WARS2: variants seen among roughly 807,000 people sequenced by gnomAD.
WARS2 encodes the protein tryptophan--tRNA ligase, mitochondrial.
In WARS2, 28 loss-of-function variants were observed where a neutral mutation model predicts 36.5. That is an observed-to-expected ratio of 0.77 (90% CI 0.57 to 1.05). The LOEUF is 1.05. WARS2 is among the 50% of genes least tolerant of loss of function. The pLI is 0.00. For missense variants in WARS2, 435 were observed against 456.8 expected (o/e 0.95, Z 0.44); for synonymous variants, 174 against 178.4 (o/e 0.98, Z 0.20).
intron 2 of WARS2, among the ~76,000 whole-genome samples, chr1:119,066,791 T>C (rs1322250899): frequency 6.6e-6 from 1 of 152,140 alleles, no homozygotes; most frequent in Non-Finnish European, 1.5e-5. Flanking sequence ...TTGGTGGTAA[T>C]GTAAGTTAGA....
chr1:119,056,186 ATTTT>A (rs751264352), intron 2 of WARS2, among the ~76,000 whole-genome samples: 1 of 116,172 alleles, frequency 8.6e-6, no homozygotes, highest in African/African-American at 3.3e-5. Flanking sequence ...TGCCTGGCTA[ATTTT>A]TTTTTTTTTT....
intron 1 of WARS2, among the ~76,000 whole-genome samples, chr1:119,137,740 C>G (rs1318074049): frequency 6.6e-6 from 1 of 152,094 alleles, no homozygotes; most frequent in African/African-American, 2.4e-5. Context: ...CAACACCTGG[C>G]AAAATAAACC....
intron 1 of WARS2, among the ~76,000 whole-genome samples, chr1:119,087,258 A>T (rs1289829315): frequency 6.6e-6 from 1 of 152,194 alleles, no homozygotes; most frequent in African/African-American, 2.4e-5. Flanking sequence ...ATACCCAGTA[A>T]ATAGCACAGT....
At chr1:119,064,952 A>G (rs545599735) in intron 2 of WARS2, among the ~76,000 whole-genome samples, 2 of 152,340 alleles carry the variant, frequency 1.3e-5, no homozygotes, top group East Asian at 3.9e-4. Context: ...TCAAGCACAA[A>G]TAGAACATTT....
intron 2 of WARS2, among the ~76,000 whole-genome samples, chr1:119,055,405 G>A (rs1649692239): frequency 6.6e-6 from 1 of 152,090 alleles, no homozygotes; most frequent in Admixed American, 6.5e-5. Context: ...CTGAGGTCAG[G>A]AGTTCAAGGC....
intron 3 of WARS2, among the ~76,000 whole-genome samples, chr1:119,044,562 A>G (rs1648635131): frequency 6.6e-6 from 1 of 152,238 alleles, no homozygotes; most frequent in Non-Finnish European, 1.5e-5. Flanking sequence ...CAAAATACCC[A>G]GCTAGGTGGC....
intron 2 of WARS2, among the ~76,000 whole-genome samples, chr1:119,060,880 G>A (rs944503821): frequency 4.6e-5 from 7 of 152,164 alleles, no homozygotes; most frequent in African/African-American, 1.7e-4. Context: ...TCTAAATAAA[G>A]AGTCAGAGTG....
intron 1 of WARS2, among the ~76,000 whole-genome samples, chr1:119,119,873 G>A (rs978659536): frequency 4.6e-5 from 7 of 151,960 alleles, no homozygotes; most frequent in Non-Finnish European, 8.8e-5. Context: ...AATGATAATA[G>A]CAGCACAACC....
intron 1 of WARS2, chr1:119,082,370 G>C: frequency 1.0e-6 from 1 of 985,338 alleles, no homozygotes; most frequent in Non-Finnish European, 1.2e-6. Context: ...GAATGCTTTT[G>C]CACATGTATT....
At chr1:119,035,912 T>G (rs1037887124) in intron 4 of WARS2, among the ~76,000 whole-genome samples, 9 of 152,058 alleles carry the variant, frequency 5.9e-5, no homozygotes, top group Admixed American at 5.9e-4. Context: ...CTAAGGTCAA[T>G]AAGTGAATGT....
At chr1:119,112,988 T>A (rs1654744565) in intron 1 of WARS2, among the ~76,000 whole-genome samples, 1 of 152,118 alleles carries the variant, frequency 6.6e-6, no homozygotes, top group East Asian at 1.9e-4. Context: ...TGACACATCA[T>A]GAGAAAGAAG....
chr1:119,086,805 G>T, intron 1 of WARS2, among the ~76,000 whole-genome samples: 1 of 152,050 alleles, frequency 6.6e-6, no homozygotes, highest in East Asian at 1.9e-4. Flanking sequence ...TGACTTTGTG[G>T]GGTGGTCAAT....
chr1:119,069,693 A>G (rs1432484644), intron 2 of WARS2, among the ~76,000 whole-genome samples: 1 of 152,198 alleles, frequency 6.6e-6, no homozygotes, highest in African/African-American at 2.4e-5. Context: ...AGGGATTTCT[A>G]GCTAAGCTGA....
At chr1:119,052,049 C>T (rs1228695367) in intron 2 of WARS2, among the ~76,000 whole-genome samples, 5 of 151,986 alleles carry the variant, frequency 3.3e-5, no homozygotes, top group South Asian at 4.1e-4. Flanking sequence ...CGTAAGTCAC[C>T]GCACCCGGCC....
chr1:119,126,251 A>G (rs1439831269), intron 1 of WARS2, among the ~76,000 whole-genome samples: 1 of 136,966 alleles, frequency 7.3e-6, no homozygotes, highest in Admixed American at 7.9e-5. Context: ...ATACCCCTTA[A>G]TAGCTGAGCA....
intron 1 of WARS2, among the ~76,000 whole-genome samples, chr1:119,088,839 G>A (rs775332947): frequency 1.3e-5 from 2 of 152,144 alleles, no homozygotes; most frequent in Non-Finnish European, 2.9e-5. Context: ...GTAATGGATT[G>A]GAGACAAAAT....
intron 1 of WARS2, among the ~76,000 whole-genome samples, chr1:119,084,112 C>A (rs1198540775): frequency 6.6e-6 from 1 of 151,768 alleles, no homozygotes; most frequent in African/African-American, 2.4e-5. Context: ...CCTCAAACTC[C>A]TAGGCTCAAG....
chr1:119,091,619 G>A (rs1653052442), intron 1 of WARS2, among the ~76,000 whole-genome samples: 1 of 152,200 alleles, frequency 6.6e-6, no homozygotes, highest in South Asian at 2.1e-4. Context: ...ATAACTGACT[G>A]CTTGATATAC....
At chr1:119,073,109 C>G (rs1651453172) in intron 2 of WARS2, among the ~76,000 whole-genome samples, 1 of 151,336 alleles carries the variant, frequency 6.6e-6, no homozygotes, top group Non-Finnish European at 1.5e-5. Flanking sequence ...GATCACACTA[C>G]TGCACTCCAG....
Sources: allele counts gnomAD v4.1 joint callset (sites outside exome capture counted in the v4.1 genomes callset), GRCh38; gene constraint gnomAD v4.1.1; transcripts MANE v1.5; gene names NCBI Gene and HGNC (gene_info 2026-07-23, HGNC 2026-07-21).